TIMP2: variants seen among roughly 807,000 people sequenced by gnomAD.
TIMP2 encodes the protein TIMP metallopeptidase inhibitor 2.
TIMP2 carries 5 observed loss-of-function variants against 24.3 expected under a neutral mutation model. That is an observed-to-expected ratio of 0.21 (90% CI 0.11 to 0.43). The LOEUF (loss-of-function observed/expected upper bound fraction) is 0.43. Ranked by LOEUF, TIMP2 falls within the 20% of genes least tolerant of loss-of-function variation. The probability of loss-of-function intolerance (pLI) is 1.00; values close to 1 mark genes in which losing one functional copy is unlikely to be tolerated. For missense variants in TIMP2, 221 were observed against 297.5 expected (o/e 0.74, Z 1.89); for synonymous variants, 130 against 123.2 (o/e 1.06, Z -0.37).
chr17:78,862,710 C>T (rs1200874005), intron 3 of TIMP2, among the ~76,000 whole-genome samples: 1 of 152,246 alleles, frequency 6.6e-6, no homozygotes, highest in Non-Finnish European at 1.5e-5. Context: ...TATCCTGCTT[C>T]CTCCCTCCCA....
chr17:78,886,731 C>T (rs900668118), intron 1 of TIMP2, among the ~76,000 whole-genome samples: 1 of 151,630 alleles, frequency 6.6e-6, no homozygotes, highest in Non-Finnish European at 1.5e-5. Flanking sequence ...TTTTCTTCTT[C>T]TTTTTTTTTC....
intron 3 of TIMP2, among the ~76,000 whole-genome samples, chr17:78,857,890 T>G (rs990723581): frequency 2.0e-5 from 3 of 151,410 alleles, no homozygotes; most frequent in African/African-American, 7.3e-5. Flanking sequence ...GCCAACGTGA[T>G]GAAACCCCCT....
At chr17:78,860,535 C>A (rs368789636) in intron 3 of TIMP2, among the ~76,000 whole-genome samples, 1 of 152,190 alleles carries the variant, frequency 6.6e-6, no homozygotes, top group East Asian at 1.9e-4. Context: ...GTCCTGGGCA[C>A]GGGGCACTCA....
intron 1 of TIMP2, among the ~76,000 whole-genome samples, chr17:78,893,248 AGT>A (rs1245290064): frequency 2.1e-4 from 13 of 63,326 alleles, no homozygotes; most frequent in Admixed American, 6.8e-4. Flanking sequence ...TGTGTGTAGG[AGT>A]GTGTGTGCAG....
intron 1 of TIMP2, among the ~76,000 whole-genome samples, chr17:78,889,504 T>C (rs112354604): frequency 0.062 from 9,477 of 152,364 alleles, 406 homozygotes; most frequent in Middle Eastern, 0.11. Flanking sequence ...TAAGAGGTTT[T>C]AGCTTTGGTT....
At chr17:78,884,768 C>A (rs550691744) in intron 1 of TIMP2, among the ~76,000 whole-genome samples, 1 of 152,230 alleles carries the variant, frequency 6.6e-6, no homozygotes, top group Non-Finnish European at 1.5e-5. Context: ...CTCGATATAA[C>A]CCCCTTGCCA....
intron 1 of TIMP2, among the ~76,000 whole-genome samples, chr17:78,911,552 C>T (rs907344057): frequency 3.9e-5 from 6 of 151,932 alleles, no homozygotes; most frequent in African/African-American, 7.2e-5. Context: ...CTCAGCCTCC[C>T]GAGTAGCTGG....
At chr17:78,864,742 A>G (rs1444148135) in intron 3 of TIMP2, among the ~76,000 whole-genome samples, 1 of 152,180 alleles carries the variant, frequency 6.6e-6, no homozygotes, top group African/African-American at 2.4e-5. Context: ...TTTAAAATGT[A>G]TGCACATAAA....
intron 1 of TIMP2, among the ~76,000 whole-genome samples, chr17:78,907,026 A>C (rs532401582): frequency 6.6e-6 from 1 of 151,876 alleles, no homozygotes; most frequent in African/African-American, 2.4e-5. Context: ...CACTAAGCTT[A>C]ATCACTCCTA....
intron 1 of TIMP2, among the ~76,000 whole-genome samples, chr17:78,908,298 T>G (rs901089078): frequency 6.6e-6 from 1 of 152,158 alleles, no homozygotes; most frequent in Non-Finnish European, 1.5e-5. Context: ...AATACTTCCA[T>G]GTGTCCTAAA....
At chr17:78,919,244 T>C (rs1270493964) in intron 1 of TIMP2, among the ~76,000 whole-genome samples, 1 of 152,226 alleles carries the variant, frequency 6.6e-6, no homozygotes, top group Non-Finnish European at 1.5e-5. Flanking sequence ...AGAACATCTT[T>C]GGTGGCTGCG....
intron 1 of TIMP2, among the ~76,000 whole-genome samples, chr17:78,909,617 T>C (rs1318906885): frequency 2.6e-5 from 4 of 152,114 alleles, no homozygotes; most frequent in Non-Finnish European, 5.9e-5. Flanking sequence ...AAACGGATTA[T>C]GTCACCTTCC....
chr17:78,897,727 A>G (rs74441012), intron 1 of TIMP2: 1 of 152,282 alleles, frequency 6.6e-6, no homozygotes, highest in Non-Finnish European at 1.5e-5. Flanking sequence ...TCCTCAAGGC[A>G]TGAACTGGCC....
In TIMP2 at chr17:78,892,178, C is replaced by T. The variant is rs751982483; in HGVS notation, c.131-18259G>A. 5.4e-5 allele frequency: 84 copies of T among 1,550,858 alleles called. No individual in the cohort carries two copies. In the African/African-American group the frequency reaches 6.4e-4, roughly 12 times the overall value. ...CCCTCTCCTCAACTCCTCAGCCAAG[C>T]GCTGGAGCTGGTAGTTTTTCCACAG... is the stretch of plus-strand genomic sequence containing the variant. On this transcript the variant is annotated intron_variant, in intron 1 of 4. Transcript: ENST00000262768.
rs1184410420 is a variant in TIMP2, at chr17:78,917,184, G to A, written c.130+7775C>T. ...GGAGAATGGCGTGAACCCAGGAGGCGGAGCTTGCAGTGAGCCGAGATCCCG... is the reference window on the plus strand; with the variant it reads ...GGAGAATGGCGTGAACCCAGGAGGCAGAGCTTGCAGTGAGCCGAGATCCCG... On this transcript the variant is annotated intron_variant, in intron 1 of 4. Coordinates refer to ENST00000262768, the MANE Select transcript of TIMP2 (RefSeq NM_003255.5). 9.9e-5 allele frequency among the ~76,000 whole-genome samples: 15 copies of A among 151,136 alleles called. No individual in the cohort carries two copies. The East Asian group carries it at 2.5e-3, about 26-fold the overall frequency.
chr17:78,873,910 G>A lies in TIMP2; in HGVS notation c.140C>T (p.Ala47Val). The A allele has an allele frequency of 1.2e-6, 2 of 1,613,030 alleles. No individual in the cohort carries two copies. Among genetic ancestry groups the A allele is most frequent in the East Asian group, 4.5e-5 (2 of 44,862 alleles). ...AFCNADVVIR[A>V]KAVSEKEVDS... is the part of the protein sequence containing the mutation. ...CACTTCCTTCTCACTGACCGCTTTG[G>A]CCCTGATCACTGCAAAACACAAGAC... Residue 47 changes from alanine (A) to valine (V), a missense_variant, in exon 2 of 5, where the codon GCC becomes GTC. By Grantham distance (64) the Ala-to-Val change is moderately conservative (BLOSUM62 0). Coordinates refer to ENST00000262768, the MANE Select transcript of TIMP2 (RefSeq NM_003255.5).
At chr17:78,919,631 G>A (rs1324561753) in intron 1 of TIMP2, among the ~76,000 whole-genome samples, 1 of 152,108 alleles carries the variant, frequency 6.6e-6, no homozygotes, top group Non-Finnish European at 1.5e-5. Flanking sequence ...TCAGGAGATC[G>A]AGACCATCCC....
chr17:78,858,100 A>G (rs1192428976), intron 3 of TIMP2, among the ~76,000 whole-genome samples: 2 of 151,688 alleles, frequency 1.3e-5, no homozygotes, highest in African/African-American at 4.8e-5. Context: ...AAAAAAAAGA[A>G]AGCCATAATG....
chr17:78,875,075 A>G (rs1304417030), intron 1 of TIMP2, among the ~76,000 whole-genome samples: 1 of 151,994 alleles, frequency 6.6e-6, no homozygotes, highest in East Asian at 1.9e-4. Flanking sequence ...ACAGGGTTTC[A>G]TCATGTTGGC....
Sources: allele counts gnomAD v4.1 joint callset (sites outside exome capture counted in the v4.1 genomes callset), GRCh38; gene constraint gnomAD v4.1.1; transcripts MANE v1.5; gene names NCBI Gene and HGNC (gene_info 2026-07-23, HGNC 2026-07-21).